Variants in RAB11FIP4 observed in about 807,000 individuals in gnomAD.
RAB11FIP4 encodes rab11 family-interacting protein 4.
A neutral mutation model predicts 74.3 loss-of-function variants in RAB11FIP4; 23 were observed. That is an observed-to-expected ratio of 0.31 (90% confidence interval 0.22 to 0.44). The LOEUF (loss-of-function observed/expected upper bound fraction) is 0.44. Ranked by LOEUF, RAB11FIP4 falls within the 20% of genes least tolerant of loss-of-function variation. The probability of loss-of-function intolerance (pLI) is 1.00; values close to 1 mark genes in which losing one functional copy is unlikely to be tolerated. For synonymous variants in RAB11FIP4, 360 were observed against 359.9 expected (o/e 1.00, Z 0.00); for missense variants, 630 against 863.9 (o/e 0.73, Z 3.39).
In RAB11FIP4 at chr17:31,527,884, A is replaced by G. The variant is rs1251896458; in HGVS notation, c.1317A>G (p.Thr439=). 1.9e-6 allele frequency: 3 copies of G among 1,606,368 alleles called. No individual in the cohort carries two copies. Among genetic ancestry groups the G allele is most frequent in the Admixed American group, 1.7e-5 (1 of 58,742 alleles). The change falls in exon 11 of 15, where the codon ACA becomes ACG. Residue 439 remains threonine, a synonymous_variant. Coordinates refer to ENST00000621161, the MANE Select transcript of RAB11FIP4 (RefSeq NM_032932.6). The part of the protein sequence containing the change: ...LEEENTELRT[T]VTRLKSQTEK... ...AAGAAAATACAGAGCTTAGAACAAC[A>G]GTGACTCGGCTCAAGTCTCAAACAG...
intron 9 of RAB11FIP4, chr17:31,524,772 G>C (rs1266493752): frequency 2.4e-6 from 1 of 417,580 alleles, no homozygotes; most frequent in African/African-American, 2.0e-5. Flanking sequence ...GGAAGGAACA[G>C]CACAAAAAGA....
chr17:31,424,576 A>ATTT (rs71142050), intron 1 of RAB11FIP4, among the ~76,000 whole-genome samples: 10,003 of 124,468 alleles, frequency 0.08, 749 homozygotes, highest in East Asian at 0.31. Context: ...CACCCAGCTA[A>ATTT]TTTTTTTTTT....
At chr17:31,486,048 A>G (rs1170012645) in intron 3 of RAB11FIP4, among the ~76,000 whole-genome samples, 1 of 141,934 alleles carries the variant, frequency 7.0e-6, no homozygotes, top group Non-Finnish European at 1.5e-5. Context: ...AGCCTGGCCA[A>G]TATGGTGAAA....
At chr17:31,480,225 T>C (rs1338671142) in intron 3 of RAB11FIP4, among the ~76,000 whole-genome samples, 1 of 152,094 alleles carries the variant, frequency 6.6e-6, no homozygotes, top group African/African-American at 2.4e-5. Flanking sequence ...CTTGACAGAT[T>C]ACTGCCTCAC....
intron 3 of RAB11FIP4, among the ~76,000 whole-genome samples, chr17:31,509,812 C>T (rs1222302972): frequency 2.0e-5 from 3 of 152,056 alleles, no homozygotes; most frequent in Non-Finnish European, 4.4e-5. Context: ...TGGGGTGAGC[C>T]GAGGCCTCAT....
chr17:31,460,051 C>T (rs1487234490), intron 3 of RAB11FIP4, among the ~76,000 whole-genome samples: 16 of 152,192 alleles, frequency 1.1e-4, no homozygotes, highest in African/African-American at 3.1e-4. Context: ...CAGACACAAG[C>T]CCACCATGGG....
intron 1 of RAB11FIP4, among the ~76,000 whole-genome samples, chr17:31,403,669 C>A (rs1000966268): frequency 1.3e-5 from 2 of 152,156 alleles, no homozygotes; most frequent in African/African-American, 4.8e-5. Flanking sequence ...CAACCAGGAG[C>A]CTCCATGAGG....
intron 3 of RAB11FIP4, among the ~76,000 whole-genome samples, chr17:31,484,901 A>G (rs2071885975): frequency 6.6e-6 from 1 of 152,234 alleles, no homozygotes; most frequent in South Asian, 2.1e-4. Context: ...CAATTTAAAG[A>G]TGAGGAAATT....
intron 3 of RAB11FIP4, among the ~76,000 whole-genome samples, chr17:31,504,374 G>T (rs763947502): frequency 5.3e-5 from 8 of 151,398 alleles, no homozygotes; most frequent in Non-Finnish European, 7.4e-5. Context: ...CTCATGATCC[G>T]CTTGCCTCGG....
At chr17:31,450,321 TTTATTATTATTATTATTATTA>T in intron 3 of RAB11FIP4, among the ~76,000 whole-genome samples, 1 of 137,812 alleles carries the variant, frequency 7.3e-6, no homozygotes, top group African/African-American at 2.7e-5. Flanking sequence ...CGCCACCGGC[TTTATTATTATTATTATTATTA>T]TTATTATTAT....
At chr17:31,418,376 G>A (rs1320508450) in intron 1 of RAB11FIP4, among the ~76,000 whole-genome samples, 5 of 152,120 alleles carry the variant, frequency 3.3e-5, no homozygotes, top group African/African-American at 4.8e-5. Context: ...AGACAAGAGT[G>A]AGACTTCGTC....
intron 1 of RAB11FIP4, among the ~76,000 whole-genome samples, chr17:31,396,248 G>T (rs1050100490): frequency 6.6e-5 from 10 of 151,704 alleles, no homozygotes; most frequent in African/African-American, 2.4e-4. Context: ...AGGGATGGGG[G>T]CACACCACTG....
chr17:31,526,106 C>G (rs1009648155), intron 10 of RAB11FIP4: 2 of 152,290 alleles, frequency 1.3e-5, no homozygotes, highest in African/African-American at 4.8e-5. Flanking sequence ...ACCTGCTTTG[C>G]TAAGTTACCC....
At chr17:31,517,204 G>GGGGGGGGGGGGGGGGGGGGGGA (rs2072572568) in intron 3 of RAB11FIP4, among the ~76,000 whole-genome samples, 1 of 90,494 alleles carries the variant, frequency 1.1e-5, no homozygotes, top group Non-Finnish European at 2.4e-5. Context: ...GGGGGGGGGC[G>GGGGGGGGGGGGGGGGGGGGGGA]GTGGGGGGGG....
At chr17:31,423,165 C>T (rs1473912900) in intron 1 of RAB11FIP4, among the ~76,000 whole-genome samples, 4 of 152,270 alleles carry the variant, frequency 2.6e-5, no homozygotes, top group African/African-American at 9.6e-5. Context: ...GTGATCCGCC[C>T]GCCTCTGCCT....
intron 3 of RAB11FIP4, among the ~76,000 whole-genome samples, chr17:31,502,911 C>CT: frequency 6.6e-6 from 1 of 152,228 alleles, no homozygotes; most frequent in Non-Finnish European, 1.5e-5. Flanking sequence ...CCTGTGTCGT[C>CT]ACATGGTCTT....
Position 31,521,147 on chromosome 17 carries a change from G to T in RAB11FIP4, c.564-19G>T. On this transcript the variant is annotated intron_variant, in intron 4 of 14. Coordinates refer to ENST00000621161, the MANE Select transcript of RAB11FIP4 (RefSeq NM_032932.6). ...GACCCATGAGTCCTCCTCTGACTTG[G>T]GTGCTCTCGGACCCTCAGGTCCCTG... 1 of 1,530,678 alleles carries T rather than the reference G, an allele frequency of 6.5e-7. No individual in the cohort carries two copies. Among genetic ancestry groups the T allele is most frequent in the Non-Finnish European group, 8.8e-7 (1 of 1,130,604 alleles). 94.8% of individuals were successfully genotyped at this position (1,530,678 alleles called of 1,614,324 possible). A position where few individuals can be genotyped will look rare whatever the true frequency, so the allele number is the denominator to read the frequency against.
At chr17:31,436,755 T>G (rs1378980659) in intron 3 of RAB11FIP4, among the ~76,000 whole-genome samples, 3 of 34,400 alleles carry the variant, frequency 8.7e-5, no homozygotes, top group African/African-American at 1.2e-4. Context: ...TGTTTTTTGT[T>G]TTTTTTTTGT....
chr17:31,408,616 G>A (rs564607340), intron 1 of RAB11FIP4, among the ~76,000 whole-genome samples: 6 of 152,288 alleles, frequency 3.9e-5, no homozygotes, highest in African/African-American at 1.4e-4. Flanking sequence ...TCCTAGGTAA[G>A]CCATGCCATC....
Sources: allele counts gnomAD v4.1 joint callset (sites outside exome capture counted in the v4.1 genomes callset), GRCh38; gene constraint gnomAD v4.1.1; transcripts MANE v1.5; gene names NCBI Gene and HGNC (gene_info 2026-07-23, HGNC 2026-07-21).